ZNF671: variants seen among roughly 807,000 people sequenced by gnomAD.
The protein encoded by ZNF671 is hypothetical protein FLJ23506.
Under a neutral mutation model 16.6 loss-of-function variants are expected in ZNF671, and 19 were observed. The observed-to-expected ratio is 1.14, with a 90% confidence interval of 0.80 to 1.68. ZNF671 has a LOEUF of 1.68. ZNF671 is among the 40% of genes most tolerant of loss of function. ZNF671 has a pLI of 0.00. For missense variants in ZNF671, 637 were observed against 659.8 expected, an observed-to-expected ratio of 0.97 and a Z score of 0.38; for synonymous variants, 238 against 236.3, an observed-to-expected ratio of 1.01 and a Z score of -0.06.
chr19:57,720,786 A>G lies in ZNF671; in HGVS notation c.1300T>C (p.Phe434Leu), dbSNP rs2122452956. Residue 434 changes from phenylalanine (F) to leucine (L), a missense_variant, in exon 4 of 4, where the codon TTT becomes CTT. By Grantham distance (22) the Phe-to-Leu change is conservative. Coordinates refer to ENST00000317398, the MANE Select transcript of ZNF671 (RefSeq NM_024833.3). The part of the protein sequence containing the change: ...PYECSECGKA[F>L]SQSSHLNVHW... ...ACATTAAGGTGGGAGCTTTGGCTAA[A>G]GGCCTTCCCACATTCACTGCACTCA... 1 of 1,614,228 alleles carries G rather than the reference A, an allele frequency of 6.2e-7. No individual in the cohort carries two copies. The highest frequency in any genetic ancestry group is 2.2e-5 in the East Asian group (1 of 44,890).
At position 57,722,371 on chromosome 19, in the gene ZNF671, G is replaced by C; in HGVS notation, c.333C>G (p.Asp111Glu). The change falls in exon 3 of 4, where the codon GAC (aspartate) becomes GAG (glutamate). Residue 111 changes from aspartate to glutamate, a missense_variant. Asp to Glu is a conservative substitution (Grantham distance 45). Transcript: ENST00000317398. ...CTGTGGCTGAAGTCATATCCACCTG[G>C]TCATACACCCAGGGCTCTTCTCCTC... ...LERGEEPWVY[D>E]QVDMTSATER... is the part of the protein sequence containing the mutation. 1 of 1,614,074 alleles carries C rather than the reference G, an allele frequency of 6.2e-7. No individual in the cohort carries two copies. The highest frequency in any genetic ancestry group is 8.5e-7 in the Non-Finnish European group (1 of 1,180,016).
rs1297954448 is a variant in ZNF671 at position 57,720,202 on chromosome 19, T to G, written c.*279A>C. The G allele has an allele frequency of 2.2e-6, 1 of 463,268 alleles. No homozygotes were observed. The highest frequency in any genetic ancestry group is 1.9e-5 in the African/African-American group (1 of 52,390). 28.7% of individuals were successfully genotyped at this position (463,268 alleles called of 1,614,324 possible). ...TCACAGGGAATCTCCCCAGTGGGAA[T>G]GTCCATATCTATGAAGTTTCACTTC... On this transcript the variant is annotated 3_prime_UTR_variant, in exon 4 of 4. Coordinates refer to ENST00000317398, the MANE Select transcript of ZNF671 (RefSeq NM_024833.3).
rs769616442 is a variant in ZNF671, at chr19:57,723,312, A to T, written c.167T>A (p.Val56Glu). Residue 56 changes from valine to glutamate, a missense_variant, in exon 2 of 4, where the codon GTA becomes GAA. Transcript: ENST00000317398. ...CTCCCATTCTTCCCGAGAGAAGTAT[A>T]CAAACACATCCTCAAAGACCACACA... ...RGCVVFEDVF[V>E]YFSREEWELL... 6.2e-7 allele frequency: 1 copy of T among 1,613,536 alleles called. No homozygotes were observed. Among genetic ancestry groups the T allele is most frequent in the Middle Eastern group, 1.7e-4 (1 of 6,060 alleles).
chr19:57,721,540 G>A lies in ZNF671; in HGVS notation c.546C>T (p.Tyr182=). Residue 182 remains tyrosine (Y), a synonymous_variant, in exon 4 of 4, where the codon TAC becomes TAT. Transcript: ENST00000317398. ...ILKDTLHLAK[Y]HGGKARQKPY... is the part of the protein sequence containing the mutation. ...GTTTCTGCCTGGCTTTTCCCCCATG[G>A]TATTTAGCCAGGTGTAAGGTATCTT... The A allele has an allele frequency of 1.9e-6, 3 of 1,614,130 alleles. No homozygotes were observed. The highest frequency in any genetic ancestry group is 1.3e-5 in the African/African-American group (1 of 75,002).
rs34419645 is a variant in ZNF671, at chr19:57,721,377, G to A, written c.709C>T (p.Pro237Ser). Residue 237 changes from proline (P) to serine (S), a missense_variant, in exon 4 of 4, where the codon CCA becomes TCA. Pro to Ser is a moderately conservative substitution (Grantham distance 74, BLOSUM62 -1). Transcript: ENST00000317398. ...DSVKSCRVHV[P>S]EKTLTCGKGR... ...TTCCCACATGTGAGGGTCTTCTCTG[G>A]CACATGGACTCTGCAGCTTTTCACA... is the stretch of plus-strand genomic sequence containing the variant. 3 of 1,614,110 alleles carry A rather than the reference G, an allele frequency of 1.9e-6. No individual in the cohort carries two copies. The highest frequency in any genetic ancestry group is 1.7e-6 in the Non-Finnish European group (2 of 1,179,964).
chr19:57,722,163 T>C, intron 3 of ZNF671, 153 bp downstream of exon 3: 1 of 1,287,876 alleles, frequency 7.8e-7, no homozygotes, highest in East Asian at 2.3e-5. Context: ...GCTAACAAAC[T>C]AGAAATGATA....
intron 1 of ZNF671, among the ~76,000 whole-genome samples, chr19:57,724,543 T>C (rs1985982836): frequency 1.3e-5 from 2 of 151,968 alleles, no homozygotes; most frequent in South Asian, 4.1e-4. Flanking sequence ...TTTTTTTTTT[T>C]TAGACAGATT....
intron 3 of ZNF671, 66 bp from the exon 4 acceptor site, chr19:57,721,763 ATG>A: frequency 6.5e-7 from 1 of 1,548,818 alleles, no homozygotes. Context: ...CTCATTGTAT[ATG>A]TGCATTTGAC....
rs770735769 is a variant in ZNF671 at position 57,723,300 on chromosome 19, C to T, written c.179G>A (p.Arg60Gln). The T allele has an allele frequency of 1.2e-5, 20 of 1,613,374 alleles. No homozygotes were observed. Among genetic ancestry groups the T allele is most frequent in the South Asian group, 3.3e-5 (3 of 91,014 alleles). The change falls in exon 2 of 4, where the codon CGG (arginine) becomes CAG (glutamine). Residue 60 changes from arginine to glutamine, a missense_variant. By Grantham distance (43) the Arg-to-Gln change is conservative (BLOSUM62 1). Coordinates refer to ENST00000317398, the MANE Select transcript of ZNF671 (RefSeq NM_024833.3). ...VFEDVFVYFS[R>Q]EEWELLDDAQ... ...ATCATCAAGAAGCTCCCATTCTTCCCGAGAGAAGTATACAAACACATCCTC... is the reference window on the plus strand; with the variant it reads ...ATCATCAAGAAGCTCCCATTCTTCCTGAGAGAAGTATACAAACACATCCTC...
Position 57,723,244 on chromosome 19 carries a change from G to T in ZNF671, c.235C>A (p.Leu79Met). 1.9e-6 allele frequency: 3 copies of T among 1,613,296 alleles called. No homozygotes were observed. The highest frequency in any genetic ancestry group is 2.5e-6 in the Non-Finnish European group (3 of 1,179,464). Residue 79 changes from leucine to methionine, a missense_variant, in exon 2 of 4, where the codon CTG becomes ATG. By Grantham distance (15) the Leu-to-Met change is conservative. Transcript: ENST00000317398. ...GAGGCTAAAAGTGCAAAGTTCTCCAGCATCACATCATGGTACAAAAGTCTC... is the reference window on the plus strand; with the variant it reads ...GAGGCTAAAAGTGCAAAGTTCTCCATCATCACATCATGGTACAAAAGTCTC... Reference protein sequence around the residue: ...AQRLLYHDVMLENFALLASLG... With the variant: ...AQRLLYHDVMMENFALLASLG...
Position 57,720,343 on chromosome 19 carries a change from T to C in ZNF671, c.*138A>G, listed in dbSNP as rs1985805267. The C allele has an allele frequency of 6.5e-6, 8 of 1,227,850 alleles. No homozygotes were observed. The highest frequency in any genetic ancestry group is 7.9e-6 in the Non-Finnish European group (7 of 884,358). The allele number at this position is 1,227,850 out of a possible 1,614,324, so 76.1% of individuals were successfully genotyped here. A position where few individuals can be genotyped will look rare whatever the true frequency, so the allele number is the denominator to read the frequency against. ...GCTAAGGCCTGTGTCCGGTGTGAAATTCCCAATGGCGGGTAAGGTTCAGCC... is the reference window on the plus strand; with the variant it reads ...GCTAAGGCCTGTGTCCGGTGTGAAACTCCCAATGGCGGGTAAGGTTCAGCC... On this transcript the variant is annotated 3_prime_UTR_variant, in exon 4 of 4. Transcript: ENST00000317398.
intron 1 of ZNF671, among the ~76,000 whole-genome samples, chr19:57,724,462 C>T (rs1366077366): frequency 1.3e-5 from 2 of 151,808 alleles, no homozygotes; most frequent in East Asian, 1.9e-4. Context: ...GGAATAGGAA[C>T]GCTTAAAGAG....
At chr19:57,724,732 A>G (rs949658127) in intron 1 of ZNF671, among the ~76,000 whole-genome samples, 13 of 152,028 alleles carry the variant, frequency 8.6e-5, no homozygotes, top group Admixed American at 3.3e-4. Flanking sequence ...TCACCATGTT[A>G]GCCAGGATGG....
rs760205347 is a variant in ZNF671, at chr19:57,721,181, C to T, written c.905G>A (p.Arg302Gln). ...KAFTRKDTLARHQRIHTGERP... is the reference protein window; with the variant it reads ...KAFTRKDTLAQHQRIHTGERP... The stretch of plus-strand genomic sequence containing the variant: ...TTCTCCAGTGTGGATTCTCTGATGC[C>T]GAGCAAGTGTGTCTTTGCGGGTGAA... The change falls in exon 4 of 4, where the codon CGG becomes CAG. Residue 302 changes from arginine (R) to glutamine (Q), a missense_variant. Coordinates refer to ENST00000317398, the MANE Select transcript of ZNF671 (RefSeq NM_024833.3). 23 of 1,612,912 alleles carry T rather than the reference C, an allele frequency of 1.4e-5. No individual in the cohort carries two copies. The highest frequency in any genetic ancestry group is 1.2e-4 in the South Asian group (11 of 90,976).
intron 3 of ZNF671, 133 bp downstream of exon 3, chr19:57,722,183 G>C: frequency 7.1e-7 from 1 of 1,404,284 alleles, no homozygotes; most frequent in South Asian, 1.4e-5. Flanking sequence ...ATATCTTCGT[G>C]TCAAGAACAG....
chr19:57,721,727 C>T, intron 3 of ZNF671, 30 bp from the exon 4 acceptor site: 2 of 1,592,810 alleles, frequency 1.3e-6, no homozygotes, highest in African/African-American at 2.7e-5. Context: ...TGATTAAATG[C>T]ATATTTACGG....
intron 1 of ZNF671, among the ~76,000 whole-genome samples, chr19:57,725,491 G>A (rs1261061757): frequency 1.3e-5 from 2 of 151,968 alleles, no homozygotes; most frequent in Non-Finnish European, 2.9e-5. Flanking sequence ...TTAGCGGGGT[G>A]TGGTGGTGGG....
At chr19:57,726,621 T>TGGAGTA in intron 1 of ZNF671, among the ~76,000 whole-genome samples, 1 of 152,106 alleles carries the variant, frequency 6.6e-6, no homozygotes, top group Admixed American at 6.6e-5. Flanking sequence ...TCTGACCTCC[T>TGGAGTA]GGCCTTGACC....
chr19:57,720,883 T>G lies in ZNF671; in HGVS notation c.1203A>C (p.Glu401Asp). Residue 401 changes from glutamate (E) to aspartate (D), a missense_variant, in exon 4 of 4, where the codon GAA (glutamate) becomes GAC (aspartate). Coordinates refer to ENST00000317398, the MANE Select transcript of ZNF671 (RefSeq NM_024833.3). ...GTTTCCGACTGAACTCTTTCCCACATTCGCTGCATACATAAGGCCTGGCTC... is the reference window on the plus strand; with the variant it reads ...GTTTCCGACTGAACTCTTTCCCACAGTCGCTGCATACATAAGGCCTGGCTC... ...HTGARPYVCS[E>D]CGKEFSRKHT... The G allele has an allele frequency of 6.2e-7, 1 of 1,614,166 alleles. No individual in the cohort carries two copies. The highest frequency in any genetic ancestry group is 1.1e-5 in the South Asian group (1 of 91,080).
Sources: gnomAD v4.1 joint callset for allele counts (sites outside exome capture counted in the v4.1 genomes callset) on GRCh38, gnomAD v4.1.1 for gene constraint, MANE v1.5 for transcripts, NCBI Gene and HGNC (gene_info 2026-07-23, HGNC 2026-07-21) for gene names.